Variants in RAPGEF2 observed in about 807,000 individuals in gnomAD.
RAPGEF2 encodes Rap guanine nucleotide exchange factor 2, also known as PDZ domain containing guanine nucleotide exchange factor (GEF) 1.
Under a neutral mutation model 186.7 loss-of-function variants are expected in RAPGEF2, and 54 were observed. The observed-to-expected ratio is 0.29, with a 90% CI of 0.23 to 0.36. The LOEUF (loss-of-function observed/expected upper bound fraction) is 0.36, where lower values mean the gene tolerates loss of function less well. Ranked by LOEUF, RAPGEF2 falls within the 10% of genes least tolerant of loss-of-function variation. RAPGEF2 has a pLI of 1.00. For synonymous variants in RAPGEF2, 712 were observed against 705.9 expected (o/e 1.01, Z -0.14); for missense variants, 1,532 against 2,045.0 (o/e 0.75, Z 4.84).
At chr4:159,195,883 T>G (rs1029214687) in intron 3 of RAPGEF2, among the ~76,000 whole-genome samples, 14 of 132,224 alleles carry the variant, frequency 1.1e-4, no homozygotes, top group Admixed American at 8.2e-4. Context: ...CTGTTTTTTT[T>G]TTTTTTTTTT....
rs78301868 is a variant in RAPGEF2, at chr4:159,214,069, A to G, written c.281+3486A>G. Among the ~76,000 whole-genome samples, 1,317 of 152,360 alleles carry G rather than the reference A, an allele frequency of 8.6e-3. 16 individuals carry two copies. Among genetic ancestry groups the G allele is most frequent in the African/African-American group, 0.031 (1,270 of 41,580 alleles). ...TTCTTAAAAGTCTTATTTAAAATGAATTCAGTTTCTTTGTATCAATGGAAG... is the reference window on the plus strand; with the variant it reads ...TTCTTAAAAGTCTTATTTAAAATGAGTTCAGTTTCTTTGTATCAATGGAAG... On this transcript the variant is annotated intron_variant, in intron 4 of 29. Coordinates refer to ENST00000691494, the MANE Select transcript of RAPGEF2 (RefSeq NM_001394067.2).
intron 1 of RAPGEF2, among the ~76,000 whole-genome samples, chr4:159,152,883 T>C (rs1743713631): frequency 6.6e-6 from 1 of 152,232 alleles, no homozygotes; most frequent in Non-Finnish European, 1.5e-5. Flanking sequence ...CCCAAAGTGC[T>C]GGGATTACAG....
At chr4:159,248,904 T>G (rs1045507480) in intron 7 of RAPGEF2, among the ~76,000 whole-genome samples, 1 of 152,238 alleles carries the variant, frequency 6.6e-6, no homozygotes, top group African/African-American at 2.4e-5. Context: ...ACATCATCTC[T>G]GCTACAGAAC....
intron 7 of RAPGEF2, among the ~76,000 whole-genome samples, chr4:159,256,927 A>T (rs1234525010): frequency 6.6e-6 from 1 of 150,852 alleles, no homozygotes; most frequent in African/African-American, 2.4e-5. Context: ...TTTCTCGTAG[A>T]CTCTGGATAT....
intron 1 of RAPGEF2, among the ~76,000 whole-genome samples, chr4:159,173,885 T>C (rs939159455): frequency 3.3e-5 from 5 of 152,232 alleles, no homozygotes; most frequent in African/African-American, 1.2e-4. Flanking sequence ...ACTACAAATA[T>C]TGCAGTCTGA....
intron 7 of RAPGEF2, among the ~76,000 whole-genome samples, chr4:159,246,360 T>A (rs901518761): frequency 2.0e-5 from 3 of 152,182 alleles, no homozygotes; most frequent in Non-Finnish European, 4.4e-5. Context: ...ACAATATTTT[T>A]AAAATGTGGC....
At chr4:159,243,104 T>C (rs1456328577) in intron 6 of RAPGEF2, among the ~76,000 whole-genome samples, 2 of 149,674 alleles carry the variant, frequency 1.3e-5, no homozygotes, top group Non-Finnish European at 3.0e-5. Flanking sequence ...ATTTCTTTTA[T>C]TGTTACAAGT....
intron 7 of RAPGEF2, among the ~76,000 whole-genome samples, chr4:159,272,223 T>C (rs924876368): frequency 5.9e-5 from 9 of 152,208 alleles, no homozygotes; most frequent in African/African-American, 9.7e-5. Context: ...TAGCCATAAG[T>C]ATCATTTTCA....
chr4:159,250,971 G>GC (rs1755276069), intron 7 of RAPGEF2, among the ~76,000 whole-genome samples: 1 of 152,218 alleles, frequency 6.6e-6, no homozygotes, highest in African/African-American at 2.4e-5. Flanking sequence ...TCATGGGCCA[G>GC]CACGAGTTCC....
chr4:159,264,156 T>C (rs974758373), intron 7 of RAPGEF2, among the ~76,000 whole-genome samples: 1 of 152,224 alleles, frequency 6.6e-6, no homozygotes, highest in African/African-American at 2.4e-5. Context: ...GTTTGGCGTA[T>C]TATAACCTGC....
At chr4:159,351,692 C>T (rs1217390214) in intron 26 of RAPGEF2, among the ~76,000 whole-genome samples, 5 of 151,986 alleles carry the variant, frequency 3.3e-5, no homozygotes, top group Admixed American at 6.5e-5. Context: ...CCTGTAATCC[C>T]AGCACTTTGG....
intron 7 of RAPGEF2, among the ~76,000 whole-genome samples, chr4:159,250,021 A>G (rs1280368159): frequency 6.6e-6 from 1 of 152,236 alleles, no homozygotes; most frequent in Non-Finnish European, 1.5e-5. Context: ...GTAAAATAAA[A>G]TTACACATAG....
chr4:159,209,817 A>G (rs539529103), intron 3 of RAPGEF2, among the ~76,000 whole-genome samples: 1 of 152,320 alleles, frequency 6.6e-6, no homozygotes, highest in East Asian at 1.9e-4. Flanking sequence ...TGCAGTTTTT[A>G]TTTGTTTTTA....
intron 1 of RAPGEF2, among the ~76,000 whole-genome samples, chr4:159,182,336 A>G (rs1169799091): frequency 6.6e-6 from 1 of 151,730 alleles, no homozygotes; most frequent in Non-Finnish European, 1.5e-5. Flanking sequence ...AAGGAGTAAA[A>G]TAGTCTAAAA....
chr4:159,275,008 A>G (rs1459109873), intron 7 of RAPGEF2, among the ~76,000 whole-genome samples: 2 of 147,986 alleles, frequency 1.4e-5, no homozygotes, highest in Non-Finnish European at 3.0e-5. Flanking sequence ...TCTTAACTGA[A>G]CCCCTAACAT....
rs781492396 is a variant in RAPGEF2 at position 159,243,245 on chromosome 4, CAT to C, written c.526-528_526-527del. Reference sequence around the variant, plus strand: ...CATATACTGGTTTACTAATGTGTGACATGTGGTATTAATTTTACTAAATGAGT... The same window carrying C: ...CATATACTGGTTTACTAATGTGTGACGTGGTATTAATTTTACTAAATGAGT... On this transcript the variant is annotated intron_variant, in intron 6 of 29. Coordinates refer to ENST00000691494, the MANE Select transcript of RAPGEF2 (RefSeq NM_001394067.2). Among the ~76,000 whole-genome samples the C allele has an allele frequency of 9.4e-4, 142 of 151,802 alleles. 1 individual carries two copies. In the East Asian group the frequency reaches 0.015, roughly 16 times the overall value.
rs141730595 is a variant in RAPGEF2, at chr4:159,135,522, A to G, written c.69+31291A>G. Among the ~76,000 whole-genome samples, 6 of 152,348 alleles carry G rather than the reference A, an allele frequency of 3.9e-5. No homozygotes were observed. The East Asian group carries it at 1.2e-3, about 29-fold the overall frequency. ...CATTTCCTTTAATCATTAACAGTGAAAACCTTTCATATATTTACTTACTAT... is the reference window on the plus strand; with the variant it reads ...CATTTCCTTTAATCATTAACAGTGAGAACCTTTCATATATTTACTTACTAT... On this transcript the variant is annotated intron_variant, in intron 1 of 29. Coordinates refer to ENST00000691494, the MANE Select transcript of RAPGEF2 (RefSeq NM_001394067.2).
At chr4:159,161,626 C>T (rs926368135) in intron 1 of RAPGEF2, among the ~76,000 whole-genome samples, 2 of 152,190 alleles carry the variant, frequency 1.3e-5, no homozygotes, top group African/African-American at 4.8e-5. Context: ...ATCGATTGAG[C>T]CTGTGAGCCC....
intron 4 of RAPGEF2, among the ~76,000 whole-genome samples, chr4:159,222,607 A>G (rs1751646337): frequency 6.6e-6 from 1 of 152,204 alleles, no homozygotes; most frequent in African/African-American, 2.4e-5. Context: ...GCTAAGTGCT[A>G]AGGAACTCAT....
Sources: gnomAD v4.1 joint callset for allele counts (sites outside exome capture counted in the v4.1 genomes callset) on GRCh38, gnomAD v4.1.1 for gene constraint, MANE v1.5 for transcripts, NCBI Gene and HGNC (gene_info 2026-07-23, HGNC 2026-07-21) for gene names.